Variants in ARHGAP15 observed in about 807,000 individuals in gnomAD.
ARHGAP15 encodes the protein rho GTPase-activating protein 15.
ARHGAP15 carries 51 observed loss-of-function variants against 63.7 expected under a neutral mutation model. The observed-to-expected ratio is 0.80, with a 90% CI of 0.64 to 1.01. The LOEUF (loss-of-function observed/expected upper bound fraction) is 1.01. Among genes scored for constraint, ARHGAP15 ranks in the 50% least tolerant of loss-of-function variants. The pLI is 0.00. For missense variants in ARHGAP15, 560 were observed against 564.6 expected (o/e 0.99, Z 0.08); for synonymous variants, 191 against 193.8 (o/e 0.99, Z 0.12).
At chr2:143,191,394 C>G (rs906332876) in intron 2 of ARHGAP15, among the ~76,000 whole-genome samples, 1 of 152,056 alleles carries the variant, frequency 6.6e-6, no homozygotes, top group Admixed American at 6.5e-5. Context: ...TAGGGTAAAG[C>G]TATTGAAGTT....
At chr2:143,652,442 T>C (rs1681217955) in intron 12 of ARHGAP15, among the ~76,000 whole-genome samples, 1 of 152,076 alleles carries the variant, frequency 6.6e-6, no homozygotes, top group African/African-American at 2.4e-5. Context: ...AACTTTAGAA[T>C]CATCTTGCTA....
intron 8 of ARHGAP15, among the ~76,000 whole-genome samples, chr2:143,473,611 A>C (rs1470743644): frequency 6.6e-6 from 1 of 152,208 alleles, no homozygotes; most frequent in Non-Finnish European, 1.5e-5. Context: ...ATAAATGCTG[A>C]TGACTACATC....
intron 6 of ARHGAP15, among the ~76,000 whole-genome samples, chr2:143,308,688 A>G (rs1004625453): frequency 2.0e-5 from 3 of 152,098 alleles, no homozygotes; most frequent in Non-Finnish European, 4.4e-5. Context: ...ATCATTGAGT[A>G]AGTCAACGGA....
intron 11 of ARHGAP15, among the ~76,000 whole-genome samples, chr2:143,562,113 A>T (rs945294918): frequency 3.3e-5 from 5 of 152,060 alleles, no homozygotes; most frequent in African/African-American, 1.2e-4. Flanking sequence ...AGCTCCATTA[A>T]AAACAAACTA....
intron 13 of ARHGAP15, among the ~76,000 whole-genome samples, chr2:143,751,866 TCA>T (rs1287335224): frequency 6.6e-6 from 1 of 152,162 alleles, no homozygotes; most frequent in Non-Finnish European, 1.5e-5. Context: ...CGCCCTTTGA[TCA>T]CAGTTAATTA....
chr2:143,614,720 C>A (rs1377810774), intron 11 of ARHGAP15, among the ~76,000 whole-genome samples: 1 of 152,104 alleles, frequency 6.6e-6, no homozygotes, highest in Non-Finnish European at 1.5e-5. Context: ...AGAGGAGAGA[C>A]CCTTTGTTTA....
intron 9 of ARHGAP15, among the ~76,000 whole-genome samples, chr2:143,494,002 G>A (rs1465094412): frequency 3.9e-5 from 6 of 152,050 alleles, no homozygotes; most frequent in African/African-American, 1.4e-4. Context: ...CAGAATCATT[G>A]GGGGGTTTTG....
intron 6 of ARHGAP15, among the ~76,000 whole-genome samples, chr2:143,288,219 C>A (rs1293461463): frequency 2.6e-5 from 4 of 152,160 alleles, no homozygotes; most frequent in African/African-American, 9.7e-5. Context: ...GAGTGTCACT[C>A]ATATGTATGC....
intron 13 of ARHGAP15, among the ~76,000 whole-genome samples, chr2:143,765,147 G>GTGTGTGTGTGTGT (rs1559166655): frequency 2.7e-5 from 4 of 146,918 alleles, no homozygotes; most frequent in African/African-American, 1.0e-4. Flanking sequence ...GTGTGTGTGT[G>GTGTGTGTGTGTGT]GTAAAATTAA....
At chr2:143,139,676 G>A (rs979972469) in intron 1 of ARHGAP15, among the ~76,000 whole-genome samples, 2 of 152,118 alleles carry the variant, frequency 1.3e-5, no homozygotes, top group African/African-American at 4.8e-5. Flanking sequence ...AGGCAGTGAA[G>A]CATGGAGAAA....
intron 9 of ARHGAP15, among the ~76,000 whole-genome samples, chr2:143,489,502 T>A (rs1559005405): frequency 6.6e-6 from 1 of 152,206 alleles, no homozygotes; most frequent in Non-Finnish European, 1.5e-5. Flanking sequence ...TGTTTCAGTT[T>A]TAGCTATGAA....
intron 12 of ARHGAP15, among the ~76,000 whole-genome samples, chr2:143,668,804 C>G (rs762171519): frequency 6.6e-6 from 1 of 152,176 alleles, no homozygotes; most frequent in Non-Finnish European, 1.5e-5. Context: ...CAATGAAACT[C>G]TTCAAGAATT....
intron 6 of ARHGAP15, among the ~76,000 whole-genome samples, chr2:143,335,269 T>C (rs1397766284): frequency 1.3e-5 from 2 of 152,202 alleles, no homozygotes; most frequent in Non-Finnish European, 2.9e-5. Flanking sequence ...GAAAATCACT[T>C]TCCTCCTTCA....
intron 10 of ARHGAP15, among the ~76,000 whole-genome samples, chr2:143,552,155 G>A (rs562101027): frequency 6.0e-4 from 92 of 152,320 alleles, no homozygotes; most frequent in Non-Finnish European, 1.1e-3. Flanking sequence ...TCTCAGGAGA[G>A]GGACTGTTTG....
At chr2:143,599,316 A>C (rs1022557230) in intron 11 of ARHGAP15, among the ~76,000 whole-genome samples, 1 of 152,176 alleles carries the variant, frequency 6.6e-6, no homozygotes. Flanking sequence ...GAGCTTTAAT[A>C]GTGTTGTTGC....
intron 6 of ARHGAP15, among the ~76,000 whole-genome samples, chr2:143,293,731 A>C (rs1283798600): frequency 2.0e-5 from 3 of 151,992 alleles, no homozygotes; most frequent in Non-Finnish European, 4.4e-5. Flanking sequence ...AGGAAACGGA[A>C]AGTAATATTA....
intron 8 of ARHGAP15, among the ~76,000 whole-genome samples, chr2:143,479,686 T>C (rs1031228154): frequency 1.3e-5 from 2 of 152,102 alleles, no homozygotes; most frequent in African/African-American, 4.8e-5. Context: ...CCAGTTAAAA[T>C]ATATAATCAA....
At chr2:143,293,535 G>A (rs1682500835) in intron 6 of ARHGAP15, among the ~76,000 whole-genome samples, 1 of 152,030 alleles carries the variant, frequency 6.6e-6, no homozygotes, top group African/African-American at 2.4e-5. Context: ...ATTTCGCACA[G>A]TTTAGAGTGT....
chr2:143,582,417 CTG>C (rs1355175991), intron 11 of ARHGAP15, among the ~76,000 whole-genome samples: 1 of 152,130 alleles, frequency 6.6e-6, no homozygotes, highest in African/African-American at 2.4e-5. Context: ...GATGCAGACT[CTG>C]TGCTTTTGAT....
Sources: gnomAD v4.1 joint callset for allele counts (sites outside exome capture counted in the v4.1 genomes callset) on GRCh38, gnomAD v4.1.1 for gene constraint, MANE v1.5 for transcripts, NCBI Gene and HGNC (gene_info 2026-07-23, HGNC 2026-07-21) for gene names.